Variants in CELF4 observed in about 807,000 individuals in gnomAD.
CELF4 encodes CUGBP Elav-like family member 4.
CELF4 carries 18 observed loss-of-function variants against 59.9 expected under a neutral mutation model. The ratio of observed to expected loss-of-function variants is 0.30; its 90% CI spans 0.21 to 0.45. The LOEUF (loss-of-function observed/expected upper bound fraction) is 0.45. Among genes scored for constraint, CELF4 ranks in the 20% least tolerant of loss-of-function variants. The probability of loss-of-function intolerance (pLI) is 1.00; values close to 1 mark genes in which losing one functional copy is unlikely to be tolerated. For synonymous variants in CELF4, 261 were observed against 267.1 expected (o/e 0.98, Z 0.22); for missense variants, 456 against 689.0 (o/e 0.66, Z 3.79).
chr18:37,398,273 G>A (rs1569568736), intron 2 of CELF4, among the ~76,000 whole-genome samples: 1 of 152,192 alleles, frequency 6.6e-6, no homozygotes, highest in African/African-American at 2.4e-5. Context: ...GGGAGAGGGG[G>A]CTGGAAAAGT....
intron 2 of CELF4, among the ~76,000 whole-genome samples, chr18:37,448,228 G>A (rs1159133966): frequency 2.0e-5 from 3 of 152,222 alleles, no homozygotes; most frequent in African/African-American, 7.2e-5. Flanking sequence ...AGGCCTTGAG[G>A]CTTGTGCATG....
intron 2 of CELF4, among the ~76,000 whole-genome samples, chr18:37,334,206 A>G (rs766666222): frequency 5.3e-5 from 8 of 152,138 alleles, no homozygotes; most frequent in Non-Finnish European, 1.2e-4. Context: ...CTCATCTCCC[A>G]TGCATTTTCC....
At chr18:37,355,639 C>T (rs1380371868) in intron 2 of CELF4, among the ~76,000 whole-genome samples, 2 of 151,372 alleles carry the variant, frequency 1.3e-5, no homozygotes, top group South Asian at 2.1e-4. Context: ...CACCACTGTA[C>T]TCCAGCCTGG....
chr18:37,258,041 G>C (rs2071237842), intron 11 of CELF4, among the ~76,000 whole-genome samples: 1 of 152,134 alleles, frequency 6.6e-6, no homozygotes, highest in South Asian at 2.1e-4. Flanking sequence ...ACTTTTTACT[G>C]TAAGTACATA....
At chr18:37,324,553 T>C (rs1216733220) in intron 2 of CELF4, among the ~76,000 whole-genome samples, 1 of 152,178 alleles carries the variant, frequency 6.6e-6, no homozygotes, top group African/African-American at 2.4e-5. Flanking sequence ...AGCCACCTGG[T>C]CTGTGGTACT....
chr18:37,382,464 A>G (rs60369372), intron 2 of CELF4, among the ~76,000 whole-genome samples: 2,582 of 152,284 alleles, frequency 0.017, 95 homozygotes, highest in African/African-American at 0.059. Context: ...ATCCCAGACC[A>G]GGGGCTCCTC....
intron 2 of CELF4, among the ~76,000 whole-genome samples, chr18:37,353,233 A>AAAAAAAATATATATATATATAT (rs71168258): frequency 2.7e-4 from 29 of 106,962 alleles, no homozygotes; most frequent in Non-Finnish European, 4.5e-4. Flanking sequence ...AAAAAAAAAA[A>AAAAAAAATATATATATATATAT]ATATATATAT....
chr18:37,518,325 C>T (rs1293082022), intron 1 of CELF4, among the ~76,000 whole-genome samples: 1 of 152,092 alleles, frequency 6.6e-6, no homozygotes, highest in East Asian at 1.9e-4. Context: ...ATTAGCAGAC[C>T]CCTGGGCAAT....
intron 3 of CELF4, among the ~76,000 whole-genome samples, chr18:37,284,984 C>G (rs928832070): frequency 2.0e-5 from 3 of 152,214 alleles, no homozygotes; most frequent in Non-Finnish European, 4.4e-5. Context: ...CTGGAGTTCT[C>G]ACTCCCTCTC....
At chr18:37,527,110 C>T (rs2099964773) in intron 1 of CELF4, among the ~76,000 whole-genome samples, 1 of 152,036 alleles carries the variant, frequency 6.6e-6, no homozygotes, top group Non-Finnish European at 1.5e-5. Context: ...TTGCCCCCAT[C>T]CCCTTTGCAA....
At chr18:37,457,059 C>T (rs2099780331) in intron 2 of CELF4, among the ~76,000 whole-genome samples, 1 of 152,188 alleles carries the variant, frequency 6.6e-6, no homozygotes, top group Non-Finnish European at 1.5e-5. Context: ...GACCTGCCCC[C>T]ATCTGGAAGG....
At chr18:37,506,608 C>A (rs1431871649) in intron 1 of CELF4, among the ~76,000 whole-genome samples, 1 of 152,210 alleles carries the variant, frequency 6.6e-6, no homozygotes, top group Non-Finnish European at 1.5e-5. Flanking sequence ...CTGGTGTCCT[C>A]TCTGAACTTG....
At chr18:37,263,276 G>C in intron 10 of CELF4, among the ~76,000 whole-genome samples, 1 of 152,180 alleles carries the variant, frequency 6.6e-6, no homozygotes, top group Middle Eastern at 3.2e-3. Context: ...CTCTCAGCCA[G>C]GCAGGCTGTG....
intron 2 of CELF4, among the ~76,000 whole-genome samples, chr18:37,453,853 T>C (rs923320010): frequency 1.3e-5 from 2 of 152,096 alleles, no homozygotes; most frequent in Non-Finnish European, 2.9e-5. Context: ...ATACATAAGG[T>C]AAAATAAAGA....
intron 2 of CELF4, among the ~76,000 whole-genome samples, chr18:37,367,270 A>G (rs530848686): frequency 2.8e-4 from 42 of 152,122 alleles, no homozygotes; most frequent in African/African-American, 9.6e-4. Flanking sequence ...GACAGAAAGG[A>G]AACAGTGTTA....
chr18:37,321,699 G>A (rs2097126139), intron 3 of CELF4, 104 bp downstream of exon 3: 1 of 790,312 alleles, frequency 1.3e-6, no homozygotes, highest in Non-Finnish European at 2.1e-6. Flanking sequence ...CCCCAGAGGG[G>A]CAAGAGGAGG....
chr18:37,307,495 C>A (rs1025122612), intron 3 of CELF4, among the ~76,000 whole-genome samples: 5 of 152,150 alleles, frequency 3.3e-5, no homozygotes, highest in Admixed American at 3.3e-4. Context: ...CGCTCCCCCA[C>A]CACCACAGCG....
At chr18:37,409,876 G>A (rs1378286352) in intron 2 of CELF4, among the ~76,000 whole-genome samples, 1 of 152,186 alleles carries the variant, frequency 6.6e-6, no homozygotes, top group Non-Finnish European at 1.5e-5. Context: ...GCTCCCTGGG[G>A]CACTGCAGAC....
At chr18:37,308,909 AC>A (rs1295991775) in intron 3 of CELF4, among the ~76,000 whole-genome samples, 1 of 151,888 alleles carries the variant, frequency 6.6e-6, no homozygotes, top group African/African-American at 2.4e-5. Context: ...CTCCCAGCTG[AC>A]CCTCCACACT....
Sources: allele counts gnomAD v4.1 joint callset (sites outside exome capture counted in the v4.1 genomes callset), GRCh38; gene constraint gnomAD v4.1.1; transcripts MANE v1.5; gene names NCBI Gene and HGNC (gene_info 2026-07-23, HGNC 2026-07-21).